Variants in FRMD5 observed in about 807,000 individuals in gnomAD.
FRMD5 encodes the protein FERM domain containing 5, also known as FERM domain-containing protein 5.
In FRMD5, 20 loss-of-function variants were observed where a neutral mutation model predicts 69.0. The ratio of observed to expected loss-of-function variants is 0.29; its 90% confidence interval spans 0.20 to 0.42. The LOEUF (loss-of-function observed/expected upper bound fraction) is 0.42. Among genes scored for constraint, FRMD5 ranks in the 10% least tolerant of loss-of-function variants. The pLI, the probability that FRMD5 is intolerant of heterozygous loss-of-function variation, is 1.00. For synonymous variants in FRMD5, 271 were observed against 260.1 expected (o/e 1.04, Z -0.40); for missense variants, 595 against 708.6 (o/e 0.84, Z 1.82).
chr15:44,124,729 T>A (rs2077002700), intron 1 of FRMD5, among the ~76,000 whole-genome samples: 1 of 152,104 alleles, frequency 6.6e-6, no homozygotes, highest in African/African-American at 2.4e-5. Context: ...TTTAAAAAGA[T>A]GTTCTTAGAC....
intron 1 of FRMD5, among the ~76,000 whole-genome samples, chr15:44,055,960 C>G (rs191950225): frequency 6.1e-4 from 93 of 152,288 alleles, no homozygotes; most frequent in African/African-American, 2.2e-3. Flanking sequence ...TTCTAACCAC[C>G]ATTTTACCTC....
At chr15:44,133,719 A>G (rs2077139708) in intron 1 of FRMD5, among the ~76,000 whole-genome samples, 1 of 152,098 alleles carries the variant, frequency 6.6e-6, no homozygotes, top group African/African-American at 2.4e-5. Context: ...CAGAAAGAAT[A>G]GGTTGGTGTT....
At chr15:44,119,251 C>G (rs951145884) in intron 1 of FRMD5, among the ~76,000 whole-genome samples, 2 of 152,132 alleles carry the variant, frequency 1.3e-5, no homozygotes, top group Non-Finnish European at 2.9e-5. Flanking sequence ...TGAGCCACTG[C>G]ACCTGGCCAC....
chr15:43,962,428 A>C (rs915672077), intron 1 of FRMD5, among the ~76,000 whole-genome samples: 17 of 152,236 alleles, frequency 1.1e-4, no homozygotes, highest in African/African-American at 4.1e-4. Flanking sequence ...ATGGAAGAAC[A>C]TTCCATGCTC....
chr15:44,136,189 T>C (rs1249973597), intron 1 of FRMD5, among the ~76,000 whole-genome samples: 2 of 131,500 alleles, frequency 1.5e-5, no homozygotes, highest in African/African-American at 5.2e-5. Flanking sequence ...TTTTTTGTTT[T>C]GTTTTGTTTT....
chr15:44,019,551 C>A (rs1259414549), intron 1 of FRMD5, among the ~76,000 whole-genome samples: 2 of 151,210 alleles, frequency 1.3e-5, no homozygotes, highest in Non-Finnish European at 2.9e-5. Flanking sequence ...GCCTGGCCAA[C>A]ATGGTGAAAC....
intron 1 of FRMD5, among the ~76,000 whole-genome samples, chr15:44,039,522 C>G (rs767605718): frequency 2.6e-5 from 4 of 152,198 alleles, no homozygotes; most frequent in African/African-American, 4.8e-5. Flanking sequence ...TGGTAATACT[C>G]AGGCAAACAG....
chr15:43,950,171 A>T (rs1225778649), intron 1 of FRMD5, among the ~76,000 whole-genome samples: 1 of 152,214 alleles, frequency 6.6e-6, no homozygotes, highest in African/African-American at 2.4e-5. Context: ...GGAATGGTGC[A>T]GCCTCTGAAG....
intron 1 of FRMD5, among the ~76,000 whole-genome samples, chr15:44,122,035 G>C (rs1438429685): frequency 6.7e-6 from 1 of 148,392 alleles, no homozygotes; most frequent in African/African-American, 2.5e-5. Flanking sequence ...ACTTTTCACT[G>C]TAACACATGA....
chr15:44,047,856 A>G (rs1344281415), intron 1 of FRMD5, among the ~76,000 whole-genome samples: 1 of 152,208 alleles, frequency 6.6e-6, no homozygotes, highest in East Asian at 1.9e-4. Flanking sequence ...TAACTTTTTC[A>G]AGCTTCATCT....
At chr15:44,079,459 G>A (rs143750548) in intron 1 of FRMD5, among the ~76,000 whole-genome samples, 1 of 152,234 alleles carries the variant, frequency 6.6e-6, no homozygotes, top group South Asian at 2.1e-4. Context: ...TAAGTGGAAG[G>A]CTGAAGCAAG....
chr15:43,910,438 G>C (rs918649642), intron 4 of FRMD5, among the ~76,000 whole-genome samples: 1 of 152,062 alleles, frequency 6.6e-6, no homozygotes, highest in African/African-American at 2.4e-5. Flanking sequence ...CTTACCAAGA[G>C]AATCTGTCCA....
intron 1 of FRMD5, among the ~76,000 whole-genome samples, chr15:44,171,012 C>T (rs1280585228): frequency 6.6e-6 from 1 of 151,910 alleles, no homozygotes; most frequent in African/African-American, 2.4e-5. Flanking sequence ...CTTCATGTTG[C>T]TATGTTTTTT....
intron 1 of FRMD5, among the ~76,000 whole-genome samples, chr15:44,075,582 T>C (rs1273658499): frequency 6.6e-6 from 1 of 152,158 alleles, no homozygotes; most frequent in Non-Finnish European, 1.5e-5. Flanking sequence ...TTTTAGACAG[T>C]ACTTTCCTTT....
intron 1 of FRMD5, among the ~76,000 whole-genome samples, chr15:44,132,926 C>G (rs2077124585): frequency 6.6e-6 from 1 of 151,808 alleles, no homozygotes; most frequent in Admixed American, 6.6e-5. Context: ...CCATGCCTGG[C>G]TAATTTTTGT....
rs545403884 is a variant in FRMD5 at position 44,113,827 on chromosome 15, G to A, written c.102+81126C>T. On this transcript the variant is annotated intron_variant, in intron 1 of 13. Transcript: ENST00000417257. The stretch of plus-strand genomic sequence containing the variant: ...TAAAAATGGGAATCACGACACACTC[G>A]CAGATAACTGACACAGGGTCTGAAC... 3.9e-5 allele frequency among the ~76,000 whole-genome samples: 6 copies of A among 152,178 alleles called. No homozygotes were observed. In the East Asian group the frequency reaches 5.8e-4, roughly 15 times the overall value.
intron 1 of FRMD5, among the ~76,000 whole-genome samples, chr15:43,941,296 C>T (rs927396334): frequency 4.6e-5 from 7 of 152,124 alleles, no homozygotes; most frequent in African/African-American, 1.4e-4. Flanking sequence ...GTGTTGCCCA[C>T]GTTGGGGTGT....
intron 1 of FRMD5, among the ~76,000 whole-genome samples, chr15:44,115,901 A>G (rs2076861409): frequency 6.6e-6 from 1 of 152,188 alleles, no homozygotes; most frequent in Admixed American, 6.5e-5. Flanking sequence ...CAGGATAAGA[A>G]AGCATCCAGG....
intron 1 of FRMD5, among the ~76,000 whole-genome samples, chr15:44,109,296 T>A (rs2076764591): frequency 6.6e-6 from 1 of 152,150 alleles, no homozygotes; most frequent in Admixed American, 6.5e-5. Flanking sequence ...AAAATACATA[T>A]AACATAAAAT....
Sources: gnomAD v4.1 joint callset for allele counts (sites outside exome capture counted in the v4.1 genomes callset) on GRCh38, gnomAD v4.1.1 for gene constraint, MANE v1.5 for transcripts, NCBI Gene and HGNC (gene_info 2026-07-23, HGNC 2026-07-21) for gene names.